ECE1: variants seen among roughly 807,000 people sequenced by gnomAD.
The protein encoded by ECE1 is endothelin converting enzyme 1, also known as endothelin-converting enzyme 1.
A neutral mutation model predicts 98.6 loss-of-function variants in ECE1; 35 were observed. That is an observed-to-expected ratio of 0.35 (90% CI 0.27 to 0.47). The LOEUF (loss-of-function observed/expected upper bound fraction) is 0.47. Among genes scored for constraint, ECE1 ranks in the 20% least tolerant of loss-of-function variants. ECE1 has a pLI of 1.00. For synonymous variants in ECE1, 394 were observed against 407.1 expected (o/e 0.97, Z 0.39); for missense variants, 814 against 1,025.3 (o/e 0.79, Z 2.81).
chr1:21,236,640 ACT>A lies in ECE1; in HGVS notation c.1488+104_1488+105del, dbSNP rs566378714. On this transcript the variant is annotated intron_variant, in intron 12 of 18. Coordinates refer to ENST00000374893, the MANE Select transcript of ECE1 (RefSeq NM_001397.3). ...CTCCAGCCTGGGTAACAAGAACGAA[ACT>A]CTGCCTCAAAAAACAAACAAAAAAA... is the stretch of plus-strand genomic sequence containing the variant. The A allele has an allele frequency of 6.4e-4, 726 of 1,133,100 alleles. 5 individuals carry two copies. In the African/African-American group the frequency reaches 7.0e-3, roughly 11 times the overall value. 70.2% of individuals were successfully genotyped at this position (1,133,100 alleles called of 1,614,324 possible).
rs1427014356 is a variant in ECE1 at position 21,248,092 on chromosome 1, G to A, written c.1021-729C>T. Among the ~76,000 whole-genome samples, 8 of 152,210 alleles carry A rather than the reference G, an allele frequency of 5.3e-5. No homozygotes were observed. The East Asian group carries it at 7.7e-4, about 15-fold the overall frequency. On this transcript the variant is annotated intron_variant, in intron 8 of 18. Coordinates refer to ENST00000374893, the MANE Select transcript of ECE1 (RefSeq NM_001397.3). Reference sequence around the variant, plus strand: ...GTGATATTTCTCAGGCATGGGATCGGGAAGGGTTGAACATTAACTTTCAGC... The same window carrying A: ...GTGATATTTCTCAGGCATGGGATCGAGAAGGGTTGAACATTAACTTTCAGC...
rs1206334079 is a variant in ECE1, at chr1:21,322,407, C to G, written c.3+22969G>C. Among the ~76,000 whole-genome samples the G allele has an allele frequency of 6.6e-6, 1 of 152,224 alleles. No homozygotes were observed. Among genetic ancestry groups the G allele is most frequent in the African/African-American group, 2.4e-5 (1 of 41,462 alleles). ...GCCCTTAGCCCAGCAGACGCCCAGG[C>G]AGCCTGGCTGCACAGTTGCCATGGA... On this transcript the variant is annotated intron_variant, in intron 1 of 18. Coordinates refer to the ECE1 transcript ENST00000415912. This position sits in a 1 kb window ranked among gnomAD's most constrained non-coding sequence, Gnocchi z 4.1.
At chr1:21,276,333 G>A (rs931452492) in intron 3 of ECE1, among the ~76,000 whole-genome samples, 5 of 152,052 alleles carry the variant, frequency 3.3e-5, no homozygotes, top group African/African-American at 9.6e-5. Context: ...GCCTCAATAC[G>A]TGTTTTTGAA....
In ECE1 at chr1:21,290,200, GCT is replaced by G; in HGVS notation, c.52-46_52-45del. 1 of 1,484,018 alleles carries G rather than the reference GCT, an allele frequency of 6.7e-7. No homozygotes were observed. The highest frequency in any genetic ancestry group is 9.0e-7 in the Non-Finnish European group (1 of 1,115,932). The allele number at this position is 1,484,018 out of a possible 1,614,324, so 91.9% of individuals were successfully genotyped here. ...CACGGACTCCCTCAGCGCCTCCATG[GCT>G]CTCGCGCCCGAATGGGGAAGCGGCC... On this transcript the variant is annotated intron_variant, in intron 1 of 18. Coordinates refer to ENST00000374893, the MANE Select transcript of ECE1 (RefSeq NM_001397.3). This position sits in a 1 kb window ranked among gnomAD's most constrained non-coding sequence, Gnocchi z 7.3.
intron 17 of ECE1, chr1:21,222,171 C>G: frequency 2.6e-6 from 1 of 386,328 alleles, no homozygotes; most frequent in South Asian, 2.3e-5. Context: ...CGTGTGTGTG[C>G]ATGCACACAC....
At chr1:21,294,608 T>G (rs1015825256), upstream of ECE1, among the ~76,000 whole-genome samples, 1 of 152,210 alleles carries the variant, frequency 6.6e-6, no homozygotes. The surrounding 1 kb of genome is among the most constrained non-coding windows in gnomAD (Gnocchi z 4.2). Flanking sequence ...ATCAAAGGCC[T>G]GTGGTGAGCA....
At chr1:21,222,140 A>G (rs1022683116) in intron 17 of ECE1, 4 of 445,280 alleles carry the variant, frequency 9.0e-6, no homozygotes, top group Admixed American at 3.4e-5. Context: ...CAAACTTAAC[A>G]TGGTATAAAC....
intron 11 of ECE1, among the ~76,000 whole-genome samples, 191 bp downstream of exon 11, chr1:21,237,943 A>C (rs1039657636): frequency 1.3e-5 from 2 of 152,218 alleles, no homozygotes; most frequent in African/African-American, 4.8e-5. Flanking sequence ...CTGGCACTGA[A>C]GAGCTGCCCT....
rs915725019 is a variant in ECE1, at chr1:21,257,516, C to T, written c.828+9G>A. Reference sequence around the variant, plus strand: ...GGGAGGCAGGCTGGGAGGGGAGAGGCACGCTTACCTTCTCGTTTTCAGTTT... The same window carrying T: ...GGGAGGCAGGCTGGGAGGGGAGAGGTACGCTTACCTTCTCGTTTTCAGTTT... On this transcript the variant is annotated intron_variant, in intron 7 of 18. Transcript: ENST00000374893. The T allele has an allele frequency of 1.2e-4, 186 of 1,613,976 alleles. No individual in the cohort carries two copies. The highest frequency in any genetic ancestry group is 1.5e-4 in the Non-Finnish European group (182 of 1,179,976).
At chr1:21,271,692 C>T (rs1457301652) in intron 4 of ECE1, among the ~76,000 whole-genome samples, 4 of 151,992 alleles carry the variant, frequency 2.6e-5, no homozygotes, top group Non-Finnish European at 5.9e-5. Context: ...AGTGGGCAGA[C>T]GGGAATCCAA....
In ECE1 at chr1:21,234,193, G is replaced by A. The variant is rs28368025; in HGVS notation, c.1567-532C>T. Among the ~76,000 whole-genome samples, 625 of 151,756 alleles carry A rather than the reference G, an allele frequency of 4.1e-3. 6 individuals carry two copies. Among genetic ancestry groups the A allele is most frequent in the Middle Eastern group, 0.02 (6 of 294 alleles). On this transcript the variant is annotated intron_variant, in intron 13 of 18. Transcript: ENST00000374893. ...AGTAAAGACGGGGTTTCACCACATTGGCCAGGCTGGTTTCAAACTCCTGAC... is the reference window on the plus strand; with the variant it reads ...AGTAAAGACGGGGTTTCACCACATTAGCCAGGCTGGTTTCAAACTCCTGAC...
At chr1:21,308,509 T>C (rs983258558) in intron 1 of ECE1, among the ~76,000 whole-genome samples, 2 of 151,914 alleles carry the variant, frequency 1.3e-5, no homozygotes, top group African/African-American at 4.8e-5. Context: ...CTGAGGGAGC[T>C]CTGGCGTGTG....
chr1:21,273,842 C>A (rs534603889), intron 3 of ECE1, among the ~76,000 whole-genome samples: 2 of 152,166 alleles, frequency 1.3e-5, no homozygotes, highest in Non-Finnish European at 2.9e-5. Context: ...GGGATAAGAG[C>A]GAGGAGACTG....
chr1:21,300,791 A>T (rs908507051), intron 1 of ECE1, among the ~76,000 whole-genome samples: 6 of 152,104 alleles, frequency 3.9e-5, no homozygotes, highest in Non-Finnish European at 8.8e-5. Flanking sequence ...TTAAGAGCAT[A>T]GACTCTGAAG....
intron 7 of ECE1, 46 bp from the exon 8 acceptor site, chr1:21,256,184 T>G: frequency 6.4e-7 from 1 of 1,562,164 alleles, no homozygotes; most frequent in Non-Finnish European, 8.7e-7. Context: ...CCCCCCACTA[T>G]CCACTGGACG....
intron 1 of ECE1, among the ~76,000 whole-genome samples, chr1:21,314,745 T>C (rs1638797830): frequency 6.6e-6 from 1 of 152,264 alleles, no homozygotes; most frequent in Admixed American, 6.5e-5. Context: ...ATTCAGTCAG[T>C]ACCTGGCCTG....
chr1:21,275,825 G>A lies in ECE1; in HGVS notation c.281-2914C>T, dbSNP rs1007256363. On this transcript the variant is annotated intron_variant, in intron 3 of 18. Coordinates refer to ENST00000374893, the MANE Select transcript of ECE1 (RefSeq NM_001397.3). ...CTCATCTAAGGCCCCCTCTTCCTACGGAAACCTTCATCGACCCCCTTCCCT... is the reference window on the plus strand; with the variant it reads ...CTCATCTAAGGCCCCCTCTTCCTACAGAAACCTTCATCGACCCCCTTCCCT... Among the ~76,000 whole-genome samples, 10 of 152,016 alleles carry A rather than the reference G, an allele frequency of 6.6e-5. No homozygotes were observed. The South Asian group carries it at 1.2e-3, about 19-fold the overall frequency.
chr1:21,269,106 G>A (rs1289715927), intron 4 of ECE1, among the ~76,000 whole-genome samples: 1 of 152,310 alleles, frequency 6.6e-6, no homozygotes, highest in Middle Eastern at 3.4e-3. Context: ...CACACTTCTC[G>A]GCTGCTCTCC....
In ECE1 at chr1:21,220,600, C is replaced by G. The variant is rs537563509; in HGVS notation, c.2137-469G>C. Among the ~76,000 whole-genome samples, 1 of 152,074 alleles carries G rather than the reference C, an allele frequency of 6.6e-6. No individual in the cohort carries two copies. Among genetic ancestry groups the G allele is most frequent in the Admixed American group, 6.6e-5 (1 of 15,254 alleles). ...TCACTTGAGGCCAGGAGTTCGAGACCGGCCTGACAAACATGGTGAAACCCT... is the reference window on the plus strand; with the variant it reads ...TCACTTGAGGCCAGGAGTTCGAGACGGGCCTGACAAACATGGTGAAACCCT... On this transcript the variant is annotated intron_variant, in intron 18 of 18. Coordinates refer to ENST00000374893, the MANE Select transcript of ECE1 (RefSeq NM_001397.3). The surrounding 1 kb of genome is among the most constrained non-coding windows in gnomAD (Gnocchi z 5.0).
Sources: gnomAD v4.1 joint callset for allele counts (sites outside exome capture counted in the v4.1 genomes callset) on GRCh38, gnomAD v4.1.1 for gene constraint, Gnocchi (gnomAD v3.1) non-coding constraint, MANE v1.5 for transcripts, NCBI Gene and HGNC (gene_info 2026-07-23, HGNC 2026-07-21) for gene names.